The following FAM107B variants were observed in gnomAD, a reference collection of about 807,000 sequenced individuals.
FAM107B encodes the protein family with sequence similarity 107 member B.
FAM107B carries 21 observed loss-of-function variants against 31.5 expected under a neutral mutation model. The observed-to-expected ratio is 0.67, with a 90% CI of 0.47 to 0.96. FAM107B has a LOEUF of 0.96. FAM107B is among the 40% of genes least tolerant of loss of function. FAM107B has a pLI of 0.00. For missense variants in FAM107B, 452 were observed against 377.1 expected (o/e 1.20, Z -1.64); for synonymous variants, 157 against 141.5 (o/e 1.11, Z -0.78).
intron 2 of FAM107B, among the ~76,000 whole-genome samples, chr10:14,623,870 G>C (rs372387408): frequency 6.6e-6 from 1 of 152,106 alleles, no homozygotes; most frequent in African/African-American, 2.4e-5. Flanking sequence ...TATCTTAAAG[G>C]CATATGAAAC....
Position 14,583,784 on chromosome 10 carries a change from C to T in FAM107B, c.470-53269G>A, listed in dbSNP as rs1851734398. On this transcript the variant is annotated intron_variant, in intron 2 of 4. Coordinates refer to ENST00000181796, the MANE Select transcript of FAM107B (RefSeq NM_031453.4). ...AAACCACTGGACAAGGCCACAAGTT[C>T]GTCCATTCACCGGAAGAATCTTCTA... Among the ~76,000 whole-genome samples, 3 of 152,296 alleles carry T rather than the reference C, an allele frequency of 2.0e-5. No individual in the cohort carries two copies. The South Asian group carries it at 6.2e-4, about 32-fold the overall frequency.
chr10:14,774,222 G>T (rs369229543), intron 1 of FAM107B, 31 bp downstream of exon 1: 3 of 1,575,916 alleles, frequency 1.9e-6, no homozygotes, highest in Non-Finnish European at 2.6e-6. Context: ...GCTCCATCCC[G>T]TCTATAATCG....
At position 14,537,850 on chromosome 10, in the gene FAM107B, A is replaced by AAG. The variant is rs1554827957; in HGVS notation, c.470-7336_470-7335insCT. Among the ~76,000 whole-genome samples, 6 of 151,790 alleles carry AAG rather than the reference A, an allele frequency of 4.0e-5. No individual in the cohort carries two copies. The South Asian group carries it at 1.3e-3, about 32-fold the overall frequency. On this transcript the variant is annotated intron_variant, in intron 2 of 4. Coordinates refer to ENST00000181796, the MANE Select transcript of FAM107B (RefSeq NM_031453.4). Reference sequence around the variant, plus strand: ...CTCTGTCTCAAAAAAAAAAAAAAAAAAAATGAAATGCACCAAACGCAATGC... The same window carrying AAG: ...CTCTGTCTCAAAAAAAAAAAAAAAAAAGAAATGAAATGCACCAAACGCAATGC...
At chr10:14,559,119 A>AC (rs1554832897) in intron 2 of FAM107B, among the ~76,000 whole-genome samples, 1,278 of 35,520 alleles carry the variant, frequency 0.036, 15 homozygotes, top group African/African-American at 0.085. Flanking sequence ...AAAAAAAAAC[A>AC]AAAAAAAAAC....
chr10:14,628,934 CACAAT>C (rs1298378508), intron 2 of FAM107B, among the ~76,000 whole-genome samples: 1 of 151,516 alleles, frequency 6.6e-6, no homozygotes, highest in Non-Finnish European at 1.5e-5. Context: ...TTTAAGTTGA[CACAAT>C]AAAACCAAAT....
At chr10:14,705,813 T>TGC (rs1564631691) in intron 1 of FAM107B, among the ~76,000 whole-genome samples, 6 of 152,120 alleles carry the variant, frequency 3.9e-5, no homozygotes, top group Non-Finnish European at 8.8e-5. Context: ...CACAACAATG[T>TGC]AAACGTATTT....
At chr10:14,637,973 G>C (rs1342265065) in intron 2 of FAM107B, among the ~76,000 whole-genome samples, 1 of 152,162 alleles carries the variant, frequency 6.6e-6, no homozygotes, top group Non-Finnish European at 1.5e-5. Context: ...GCCACGCCAT[G>C]CTTAGCCTCT....
At chr10:14,645,153 C>A (rs1853721638) in intron 2 of FAM107B, among the ~76,000 whole-genome samples, 1 of 152,202 alleles carries the variant, frequency 6.6e-6, no homozygotes, top group African/African-American at 2.4e-5. Flanking sequence ...TTAGTTACAA[C>A]AGGGCCCCAG....
intron 2 of FAM107B, among the ~76,000 whole-genome samples, chr10:14,600,705 T>A (rs1852365870): frequency 6.6e-6 from 1 of 152,216 alleles, no homozygotes; most frequent in African/African-American, 2.4e-5. Flanking sequence ...ACTGGCGTGA[T>A]CACAGCTCAC....
chr10:14,557,523 G>A (rs774809509), intron 2 of FAM107B, among the ~76,000 whole-genome samples: 7 of 152,134 alleles, frequency 4.6e-5, no homozygotes, highest in Non-Finnish European at 8.8e-5. Context: ...GTGCTCTACT[G>A]TAATGTCTTG....
intron 1 of FAM107B, among the ~76,000 whole-genome samples, chr10:14,756,960 T>C (rs780722829): frequency 6.6e-6 from 1 of 152,104 alleles, no homozygotes; most frequent in African/African-American, 2.4e-5. Context: ...AGCTAAATGA[T>C]GAGAACACAT....
chr10:14,626,052 C>T (rs1340032419), intron 2 of FAM107B, among the ~76,000 whole-genome samples: 1 of 152,080 alleles, frequency 6.6e-6, no homozygotes, highest in Non-Finnish European at 1.5e-5. Flanking sequence ...GTCCCCCCAC[C>T]CCGGTACACT....
At chr10:14,764,048 C>T (rs1423083509) in intron 1 of FAM107B, among the ~76,000 whole-genome samples, 3 of 152,178 alleles carry the variant, frequency 2.0e-5, no homozygotes, top group Admixed American at 2.0e-4. Context: ...TTCTTCCCAC[C>T]TTGAGCTGGT....
At chr10:14,723,127 G>A (rs1310824051) in intron 1 of FAM107B, 3 of 421,334 alleles carry the variant, frequency 7.1e-6, no homozygotes, top group African/African-American at 4.1e-5. Flanking sequence ...TTTTCCATCA[G>A]ACTTGTGTCC....
At chr10:14,561,873 C>T (rs1850273561) in intron 2 of FAM107B, among the ~76,000 whole-genome samples, 1 of 152,330 alleles carries the variant, frequency 6.6e-6, no homozygotes, top group African/African-American at 2.4e-5. Context: ...CAACCTCCGC[C>T]TCCAGGGTTC....
chr10:14,576,552 A>ACAACAAC (rs57295974), intron 2 of FAM107B, among the ~76,000 whole-genome samples: 1 of 152,006 alleles, frequency 6.6e-6, no homozygotes, highest in Non-Finnish European at 1.5e-5. Context: ...AACAACAACA[A>ACAACAAC]AAAGCCACTG....
At chr10:14,616,360 G>A (rs1239532415) in intron 2 of FAM107B, among the ~76,000 whole-genome samples, 1 of 152,118 alleles carries the variant, frequency 6.6e-6, no homozygotes, top group Non-Finnish European at 1.5e-5. Flanking sequence ...TGTTTTTACT[G>A]AGATTTCCAT....
chr10:14,755,652 T>C (rs530839558), intron 1 of FAM107B, among the ~76,000 whole-genome samples: 1 of 152,300 alleles, frequency 6.6e-6, no homozygotes, highest in Non-Finnish European at 1.5e-5. Context: ...TCCTTTTTCA[T>C]CCATCCTTCT....
intron 1 of FAM107B, among the ~76,000 whole-genome samples, chr10:14,761,475 T>A (rs747874276): frequency 2.0e-5 from 3 of 152,238 alleles, no homozygotes; most frequent in Non-Finnish European, 4.4e-5. Flanking sequence ...TTTCTCTACA[T>A]TGGGGCTTTT....
Sources: allele counts gnomAD v4.1 joint callset (sites outside exome capture counted in the v4.1 genomes callset), GRCh38; gene constraint gnomAD v4.1.1; transcripts MANE v1.5; gene names NCBI Gene and HGNC (gene_info 2026-07-23, HGNC 2026-07-21).